ASIC2: variants seen among roughly 807,000 people sequenced by gnomAD.
ASIC2 encodes acid-sensing ion channel 2.
ASIC2 carries 25 observed loss-of-function variants against 57.3 expected under a neutral mutation model. The observed-to-expected ratio is 0.44, with a 90% CI of 0.32 to 0.61. The LOEUF (loss-of-function observed/expected upper bound fraction) is 0.61, where lower values mean the gene tolerates loss of function less well. ASIC2 is among the 20% of genes least tolerant of loss of function. ASIC2 has a pLI of 0.06. For missense variants in ASIC2, 641 were observed against 738.1 expected (o/e 0.87, Z 1.52); for synonymous variants, 319 against 307.5 (o/e 1.04, Z -0.39).
At chr17:34,113,635 T>C (rs995344292) in intron 1 of ASIC2, among the ~76,000 whole-genome samples, 1 of 151,494 alleles carries the variant, frequency 6.6e-6, no homozygotes, top group Non-Finnish European at 1.5e-5. Flanking sequence ...CTCAACACTT[T>C]AGGCGGCCAA....
intron 1 of ASIC2, among the ~76,000 whole-genome samples, chr17:33,815,999 C>T (rs912847657): frequency 4.6e-5 from 7 of 152,242 alleles, no homozygotes; most frequent in Admixed American, 3.9e-4. Flanking sequence ...GATGTTATTA[C>T]ATAGGGAAGT....
intron 1 of ASIC2, among the ~76,000 whole-genome samples, chr17:33,555,428 C>T (rs1915878821): frequency 6.6e-6 from 1 of 151,542 alleles, no homozygotes; most frequent in Non-Finnish European, 1.5e-5. Flanking sequence ...GTGAGACCCC[C>T]CAGCAACATG....
intron 1 of ASIC2, among the ~76,000 whole-genome samples, chr17:33,222,352 T>C (rs1005116429): frequency 1.3e-5 from 2 of 152,222 alleles, no homozygotes; most frequent in Non-Finnish European, 2.9e-5. Flanking sequence ...ATGATTCTTA[T>C]AGGAAATGTC....
chr17:34,071,390 T>C (rs1163042344), intron 1 of ASIC2: 1 of 152,188 alleles, frequency 6.6e-6, no homozygotes, highest in Non-Finnish European at 1.5e-5. Context: ...CCATCTGCAC[T>C]GTTCTCTTCT....
intron 2 of ASIC2, among the ~76,000 whole-genome samples, chr17:33,095,695 G>A (rs983305844): frequency 6.6e-6 from 1 of 152,234 alleles, no homozygotes; most frequent in Non-Finnish European, 1.5e-5. Context: ...GGGACTTCAG[G>A]CCAGAGGCTG....
chr17:33,148,949 C>T lies in ASIC2; in HGVS notation c.709-36882G>A, dbSNP rs558204057. ...TCTCTACTAAAAATACAAAAATTAGCTGGGCATGATGGCAGGCACGTGTAG... is the reference window on the plus strand; with the variant it reads ...TCTCTACTAAAAATACAAAAATTAGTTGGGCATGATGGCAGGCACGTGTAG... On this transcript the variant is annotated intron_variant, in intron 1 of 9. Transcript: ENST00000225823. 2.0e-5 allele frequency among the ~76,000 whole-genome samples: 3 copies of T among 152,156 alleles called. No homozygotes were observed. In the East Asian group the frequency reaches 5.8e-4, roughly 29 times the overall value.
chr17:33,194,458 TATG>T (rs1001303815), intron 1 of ASIC2, among the ~76,000 whole-genome samples: 5 of 152,220 alleles, frequency 3.3e-5, no homozygotes, highest in South Asian at 2.1e-4. Flanking sequence ...ACTAAGCCGA[TATG>T]ATGATGATGA....
At chr17:33,572,675 G>T (rs7215574) in intron 1 of ASIC2, among the ~76,000 whole-genome samples, 1 of 152,030 alleles carries the variant, frequency 6.6e-6, no homozygotes. Flanking sequence ...ATGACACCAG[G>T]CCCAGCCGCT....
intron 1 of ASIC2, among the ~76,000 whole-genome samples, chr17:33,157,966 TG>T (rs1467469095): frequency 2.0e-5 from 3 of 152,368 alleles, no homozygotes; most frequent in Admixed American, 6.5e-5. Context: ...CTGCCCTTGC[TG>T]TTCCCTCCTC....
chr17:33,678,674 G>A (rs551786833), intron 1 of ASIC2, among the ~76,000 whole-genome samples: 1 of 152,134 alleles, frequency 6.6e-6, no homozygotes, highest in Non-Finnish European at 1.5e-5. Flanking sequence ...ATGTCAGAGG[G>A]CGTGTTCCCT....
At chr17:33,830,446 C>T (rs1284024363) in intron 1 of ASIC2, among the ~76,000 whole-genome samples, 1 of 152,118 alleles carries the variant, frequency 6.6e-6, no homozygotes, top group Non-Finnish European at 1.5e-5. Flanking sequence ...CTGAAAACAA[C>T]TTGTGGTCAT....
chr17:33,244,756 G>A (rs568459870), intron 1 of ASIC2, among the ~76,000 whole-genome samples: 4 of 152,304 alleles, frequency 2.6e-5, no homozygotes, highest in East Asian at 1.9e-4. Flanking sequence ...AGGACAAGGC[G>A]TGGTCTGACC....
At chr17:34,067,292 A>G (rs560153627) in intron 1 of ASIC2, among the ~76,000 whole-genome samples, 1 of 152,324 alleles carries the variant, frequency 6.6e-6, no homozygotes, top group African/African-American at 2.4e-5. Context: ...TGGACTTCAG[A>G]TGAAAGAAAT....
At chr17:33,674,534 G>A (rs758539792) in intron 1 of ASIC2, among the ~76,000 whole-genome samples, 13 of 152,182 alleles carry the variant, frequency 8.5e-5, no homozygotes, top group Admixed American at 3.9e-4. Context: ...GTCAGACATG[G>A]CTAAATATTT....
At chr17:33,048,536 G>T (rs1395362749) in intron 3 of ASIC2, among the ~76,000 whole-genome samples, 2 of 152,190 alleles carry the variant, frequency 1.3e-5, no homozygotes, top group Non-Finnish European at 1.5e-5. Context: ...GATGGGCCTT[G>T]TATGTCCTAA....
chr17:33,088,199 A>T (rs921436465), intron 3 of ASIC2, among the ~76,000 whole-genome samples: 3 of 152,220 alleles, frequency 2.0e-5, no homozygotes, highest in African/African-American at 7.2e-5. Flanking sequence ...GATAAAAGAA[A>T]GAAACGGAGT....
At chr17:33,016,115 C>A in intron 8 of ASIC2, 76 bp from the exon 9 acceptor site, 1 of 1,447,184 alleles carries the variant, frequency 6.9e-7, no homozygotes. Context: ...CTCCATTGGG[C>A]CCCACTGGGG....
At chr17:33,023,233 A>T (rs1429874806) in intron 6 of ASIC2, among the ~76,000 whole-genome samples, 1 of 152,180 alleles carries the variant, frequency 6.6e-6, no homozygotes, top group Non-Finnish European at 1.5e-5. Flanking sequence ...CACACCTGTA[A>T]TCCCAGCACT....
At chr17:33,676,634 T>C (rs912126339) in intron 1 of ASIC2, among the ~76,000 whole-genome samples, 1 of 152,190 alleles carries the variant, frequency 6.6e-6, no homozygotes, top group Non-Finnish European at 1.5e-5. Flanking sequence ...CAGAAGTAGT[T>C]TGAAGCTAGC....
Sources: allele counts gnomAD v4.1 joint callset (sites outside exome capture counted in the v4.1 genomes callset), GRCh38; gene constraint gnomAD v4.1.1; transcripts MANE v1.5; gene names NCBI Gene and HGNC (gene_info 2026-07-23, HGNC 2026-07-21).